Variants in FANCC observed in about 807,000 individuals in gnomAD.
FANCC encodes the protein FA complementation group C.
FANCC carries 55 observed loss-of-function variants against 71.3 expected under a neutral mutation model. The ratio of observed to expected loss-of-function variants is 0.77; its 90% CI spans 0.62 to 0.97. The LOEUF (loss-of-function observed/expected upper bound fraction) is 0.97. FANCC is among the 50% of genes least tolerant of loss of function. The pLI is 0.00. For synonymous variants in FANCC, 275 were observed against 244.9 expected, an observed-to-expected ratio of 1.12 and a Z score of -1.15; for missense variants, 678 against 670.9, an observed-to-expected ratio of 1.01 and a Z score of -0.12.
chr9:95,107,476 G>C (rs552644905), intron 13 of FANCC: 1 of 630,554 alleles, frequency 1.6e-6, no homozygotes, highest in Non-Finnish European at 2.8e-6. Context: ...CTTTCGTCTT[G>C]CTCACCAAGC....
At chr9:95,126,621 A>G in intron 8 of FANCC, 40 bp from the exon 9 acceptor site, 1 of 1,602,922 alleles carries the variant, frequency 6.2e-7, no homozygotes, top group Non-Finnish European at 8.5e-7. Flanking sequence ...AAATATCACA[A>G]GCACTTTCTC....
intron 6 of FANCC, among the ~76,000 whole-genome samples, chr9:95,166,691 A>G (rs1258141677): frequency 2.0e-5 from 3 of 152,170 alleles, no homozygotes; most frequent in African/African-American, 7.2e-5. Flanking sequence ...GATCAAAAAT[A>G]TAGTATTTGC....
chr9:95,111,280 A>AG (rs2071902681), intron 13 of FANCC, 183 bp downstream of exon 13: 1 of 1,560,738 alleles, frequency 6.4e-7, no homozygotes, highest in African/African-American at 1.4e-5. Flanking sequence ...CGGTGGGGAC[A>AG]GGAGAACGCC....
At position 95,262,996 on chromosome 9, in the gene FANCC, G is replaced by A. The variant is rs76049106; in HGVS notation, c.-78-13627C>T. Among the ~76,000 whole-genome samples, 133 of 152,320 alleles carry A rather than the reference G, an allele frequency of 8.7e-4. No individual in the cohort carries two copies. The East Asian group carries it at 0.014, about 17-fold the overall frequency. The stretch of plus-strand genomic sequence containing the variant: ...GGGTAGAGTTTCTGTTTGGGATAAC[G>A]GGAAAGTTCTGGGGATGGATGGCGG... On this transcript the variant is annotated intron_variant, in intron 1 of 14. Coordinates refer to ENST00000289081, the MANE Select transcript of FANCC (RefSeq NM_000136.3).
At chr9:95,134,262 GAGAA>G (rs1827320093) in intron 8 of FANCC, among the ~76,000 whole-genome samples, 2 of 152,188 alleles carry the variant, frequency 1.3e-5, no homozygotes, top group South Asian at 2.1e-4. Context: ...CAACTAGAAA[GAGAA>G]AGAAAGAACA....
intron 4 of FANCC, among the ~76,000 whole-genome samples, chr9:95,191,598 G>C (rs994259707): frequency 6.6e-6 from 1 of 151,906 alleles, no homozygotes; most frequent in Non-Finnish European, 1.5e-5. Context: ...CCTGACATCT[G>C]CAACTGTGCA....
chr9:95,198,854 C>A (rs1054470298), intron 4 of FANCC, among the ~76,000 whole-genome samples: 6 of 151,950 alleles, frequency 3.9e-5, no homozygotes, highest in Non-Finnish European at 8.8e-5. Flanking sequence ...CCTCCCGCCT[C>A]AGCCTCCCAA....
intron 6 of FANCC, among the ~76,000 whole-genome samples, chr9:95,159,238 T>C (rs538185749): frequency 6.6e-6 from 1 of 152,228 alleles, no homozygotes; most frequent in Non-Finnish European, 1.5e-5. Context: ...TGTGTCCAAG[T>C]GTTCTCATTG....
intron 3 of FANCC, among the ~76,000 whole-genome samples, chr9:95,246,303 G>A (rs144084126): frequency 5.9e-5 from 9 of 152,284 alleles, no homozygotes; most frequent in Non-Finnish European, 1.2e-4. Flanking sequence ...GTGTGTGGGC[G>A]TCCACGCACG....
At chr9:95,108,172 A>G (rs971665081) in intron 13 of FANCC, among the ~76,000 whole-genome samples, 5 of 152,206 alleles carry the variant, frequency 3.3e-5, no homozygotes, top group South Asian at 2.1e-4. Flanking sequence ...GCCTCATTCA[A>G]TGAAGTCTGT....
intron 1 of FANCC, among the ~76,000 whole-genome samples, chr9:95,304,845 G>A (rs887446540): frequency 6.6e-6 from 1 of 151,308 alleles, no homozygotes; most frequent in African/African-American, 2.4e-5. Context: ...TATGCTGATG[G>A]AAATAGCCAA....
At chr9:95,168,685 C>T (rs1267143013) in intron 6 of FANCC, among the ~76,000 whole-genome samples, 1 of 152,194 alleles carries the variant, frequency 6.6e-6, no homozygotes, top group Admixed American at 6.5e-5. Context: ...CATAAGCCAC[C>T]ACGCCCAGCT....
intron 4 of FANCC, among the ~76,000 whole-genome samples, chr9:95,208,567 A>T (rs973744952): frequency 2.0e-5 from 3 of 152,236 alleles, no homozygotes; most frequent in Non-Finnish European, 4.4e-5. Flanking sequence ...CTACTTGATT[A>T]AAAAATGCAC....
intron 4 of FANCC, among the ~76,000 whole-genome samples, chr9:95,211,028 C>T (rs1045906119): frequency 1.3e-5 from 2 of 152,160 alleles, no homozygotes; most frequent in African/African-American, 4.8e-5. Context: ...TAAAGCACTC[C>T]AGTTGTCTTC....
intron 14 of FANCC, 129 bp downstream of exon 14, chr9:95,106,937 G>T: frequency 1.1e-6 from 1 of 900,848 alleles, no homozygotes; most frequent in Non-Finnish European, 1.8e-6. Flanking sequence ...CAACCTCCTT[G>T]ACCATTTATC....
intron 13 of FANCC, among the ~76,000 whole-genome samples, chr9:95,108,280 C>G (rs1172082437): frequency 6.6e-6 from 1 of 152,234 alleles, no homozygotes; most frequent in Non-Finnish European, 1.5e-5. Context: ...CGGGGAGCGG[C>G]AGCGCTCCAG....
rs139403786 is a variant in FANCC at position 95,312,896 on chromosome 9, C to A, written c.-79+4630G>T. Among the ~76,000 whole-genome samples, 263 of 152,328 alleles carry A rather than the reference C, an allele frequency of 1.7e-3. 1 individual carries two copies. The highest frequency in any genetic ancestry group is 6.1e-3 in the African/African-American group (252 of 41,576). The stretch of plus-strand genomic sequence containing the variant: ...TGTCTCTGTGGGTGCTGTACCAGTA[C>A]AACTTGCTGGAAAACCACCTTTGGT... On this transcript the variant is annotated intron_variant, in intron 1 of 14. Coordinates refer to ENST00000289081, the MANE Select transcript of FANCC (RefSeq NM_000136.3).
At chr9:95,237,993 A>G (rs1352424814) in intron 4 of FANCC, among the ~76,000 whole-genome samples, 2 of 152,200 alleles carry the variant, frequency 1.3e-5, no homozygotes, top group Non-Finnish European at 2.9e-5. Flanking sequence ...ACCATTATCT[A>G]TGCAGCATGT....
At chr9:95,191,398 T>C (rs187393798) in intron 4 of FANCC, among the ~76,000 whole-genome samples, 2 of 146,342 alleles carry the variant, frequency 1.4e-5, no homozygotes, top group African/African-American at 5.1e-5. Flanking sequence ...AGTGGTGTGA[T>C]CTTGGTTCAC....
Sources: allele counts gnomAD v4.1 joint callset (sites outside exome capture counted in the v4.1 genomes callset), GRCh38; gene constraint gnomAD v4.1.1; transcripts MANE v1.5; gene names NCBI Gene and HGNC (gene_info 2026-07-23, HGNC 2026-07-21).